NEK3: variants seen among roughly 807,000 people sequenced by gnomAD.
The protein encoded by NEK3 is serine/threonine-protein kinase Nek3.
A neutral mutation model predicts 66.0 loss-of-function variants in NEK3; 54 were observed. That is an observed-to-expected ratio of 0.82 (90% CI 0.66 to 1.03). The LOEUF (loss-of-function observed/expected upper bound fraction) is 1.03. NEK3 is among the 50% of genes least tolerant of loss of function. The pLI, the probability that NEK3 is intolerant of heterozygous loss-of-function variation, is 0.00. For synonymous variants in NEK3, 200 were observed against 206.2 expected (o/e 0.97, Z 0.26); for missense variants, 593 against 603.0 (o/e 0.98, Z 0.17).
chr13:52,151,530 C>T, intron 5 of NEK3, 138 bp from the exon 6 acceptor site: 1 of 705,160 alleles, frequency 1.4e-6, no homozygotes, highest in East Asian at 2.7e-5. Context: ...GAACACAAAA[C>T]ACCAAGATCC....
At chr13:52,133,647 C>CACACACA (rs755551629) in intron 15 of NEK3, 42 bp downstream of exon 15, 90 of 1,070,876 alleles carry the variant, frequency 8.4e-5, no homozygotes, top group African/African-American at 2.8e-4. Flanking sequence ...ACACACACAC[C>CACACACA]CCCAACCCCA....
Position 52,148,509 on chromosome 13 carries a change from C to T in NEK3, c.549-40G>A, listed in dbSNP as rs182220828. ...AAGCAATGTAATCACAAGCAGGTTACGTATTTTCTAGTACAAAAAATAATT... is the reference window on the plus strand; with the variant it reads ...AAGCAATGTAATCACAAGCAGGTTATGTATTTTCTAGTACAAAAAATAATT... On this transcript the variant is annotated intron_variant, in intron 7 of 15. Transcript: ENST00000610828. The T allele has an allele frequency of 4.9e-4, 775 of 1,567,088 alleles. 6 individuals are homozygous for T. In the South Asian group the frequency reaches 6.6e-3, roughly 13 times the overall value.
chr13:52,136,530 C>A (rs1420590874), intron 12 of NEK3, among the ~76,000 whole-genome samples: 1 of 151,560 alleles, frequency 6.6e-6, no homozygotes, highest in Non-Finnish European at 1.5e-5. Flanking sequence ...AGAATGAAGC[C>A]CTGGGAGGAC....
intron 11 of NEK3, 40 bp downstream of exon 11, chr13:52,140,980 A>T (rs756240990): frequency 3.5e-5 from 53 of 1,521,170 alleles, no homozygotes; most frequent in Admixed American, 2.4e-4. Context: ...ACGCCCGGCC[A>T]CCGCGCCCGG....
At chr13:52,144,962 T>C (rs1379935402) in intron 8 of NEK3, 71 bp from the exon 9 acceptor site, 4 of 996,452 alleles carry the variant, frequency 4.0e-6, no homozygotes, top group Non-Finnish European at 6.1e-6. Flanking sequence ...ACCAGTTATG[T>C]AAATTATTCT....
At position 52,154,180 on chromosome 13, in the gene NEK3, A is replaced by G; in HGVS notation, c.118-7T>C. 1 of 1,543,688 alleles carries G rather than the reference A, an allele frequency of 6.5e-7. No homozygotes were observed. Among genetic ancestry groups the G allele is most frequent in the Non-Finnish European group, 8.9e-7 (1 of 1,129,054 alleles). ...TCTGTGTATTAGAGAAAGACTAGAA[A>G]AACATTTTAAATAAGCATAAACTTA... is the stretch of plus-strand genomic sequence containing the variant. On this transcript the variant is annotated splice_polypyrimidine_tract_variant and splice_region_variant and intron_variant, in intron 2 of 15. Coordinates refer to ENST00000610828, the MANE Select transcript of NEK3 (RefSeq NM_002498.3).
chr13:52,151,168 T>C lies in NEK3; in HGVS notation c.526A>G (p.Asn176Asp). 6.2e-7 allele frequency: 1 copy of C among 1,609,374 alleles called. No homozygotes were observed. Among genetic ancestry groups the C allele is most frequent in the Non-Finnish European group, 8.5e-7 (1 of 1,177,994 alleles). ...PYYVPPEIWENLPYNNKSDIW... is the reference protein window; with the variant it reads ...PYYVPPEIWEDLPYNNKSDIW... Reference sequence around the variant, plus strand: ...CACCTTTTATTGTTATAAGGCAGGTTTTCCCAAATTTCTGGAGGCACATAA... The same window carrying C: ...CACCTTTTATTGTTATAAGGCAGGTCTTCCCAAATTTCTGGAGGCACATAA... The change falls in exon 7 of 16, where the codon AAC becomes GAC. Residue 176 changes from asparagine (N) to aspartate (D), a missense_variant. Physicochemically the swap from Asn to Asp is conservative, Grantham distance 23 (BLOSUM62 1). Coordinates refer to ENST00000610828, the MANE Select transcript of NEK3 (RefSeq NM_002498.3).
intron 8 of NEK3, chr13:52,148,160 AAAAG>A (rs1306090586): frequency 2.9e-6 from 1 of 350,626 alleles, no homozygotes; most frequent in African/African-American, 2.1e-5. Context: ...AAGAATAGCA[AAAAG>A]AAAGAAAAGA....
chr13:52,134,834 G>C (rs992655691), intron 14 of NEK3, among the ~76,000 whole-genome samples: 1 of 152,138 alleles, frequency 6.6e-6, no homozygotes, highest in African/African-American at 2.4e-5. Context: ...CTGAATGCAT[G>C]TATCACAGGG....
At chr13:52,152,217 T>C (rs545927024) in intron 5 of NEK3, among the ~76,000 whole-genome samples, 1 of 152,358 alleles carries the variant, frequency 6.6e-6, no homozygotes, top group African/African-American at 2.4e-5. Flanking sequence ...TGATCTGTTG[T>C]ACAACATGGT....
At chr13:52,158,651 C>T (rs1376716048) in intron 1 of NEK3, among the ~76,000 whole-genome samples, 1 of 152,186 alleles carries the variant, frequency 6.6e-6, no homozygotes, top group East Asian at 1.9e-4. Flanking sequence ...ATGATCATTA[C>T]AAGACCTGAA....
chr13:52,133,316 C>T (rs758316999), intron 15 of NEK3, 90 bp from the exon 16 acceptor site: 6 of 1,065,644 alleles, frequency 5.6e-6, no homozygotes, highest in Non-Finnish European at 8.3e-6. Context: ...CATAACAATA[C>T]TTAAGCTTTT....
intron 11 of NEK3, among the ~76,000 whole-genome samples, chr13:52,140,816 C>T (rs150951929): frequency 6.6e-6 from 1 of 151,590 alleles, no homozygotes; most frequent in African/African-American, 2.4e-5. Flanking sequence ...ATTTCATAAA[C>T]GTATTTTTTT....
intron 10 of NEK3, among the ~76,000 whole-genome samples, chr13:52,142,892 T>A (rs1395069468): frequency 6.6e-6 from 1 of 152,126 alleles, no homozygotes; most frequent in Non-Finnish European, 1.5e-5. Context: ...TTTGAAAAAA[T>A]TCAGAGATGA....
chr13:52,133,918 C>G, intron 14 of NEK3, 103 bp from the exon 15 acceptor site: 3 of 1,168,134 alleles, frequency 2.6e-6, no homozygotes, highest in Non-Finnish European at 3.6e-6. Flanking sequence ...GAGGACAATG[C>G]CATGTCCCAT....
chr13:52,140,366 T>C (rs1594023146), intron 11 of NEK3, among the ~76,000 whole-genome samples: 1 of 152,026 alleles, frequency 6.6e-6, no homozygotes, highest in East Asian at 1.9e-4. Context: ...CCCAGCACTT[T>C]GGGAGGCTGA....
At chr13:52,145,409 T>C (rs886462468) in intron 8 of NEK3, among the ~76,000 whole-genome samples, 19 of 152,266 alleles carry the variant, frequency 1.2e-4, no homozygotes, top group African/African-American at 2.6e-4. Flanking sequence ...GCTCAAGCGA[T>C]CCTCCCACCT....
At position 52,147,084 on chromosome 13, in the gene NEK3, T is replaced by C. The variant is rs544351638; in HGVS notation, c.603+1331A>G. On this transcript the variant is annotated intron_variant, in intron 8 of 15. Coordinates refer to ENST00000610828, the MANE Select transcript of NEK3 (RefSeq NM_002498.3). ...TTTTTTGTTCATATTTTTAAAAATATCTTGAAAAAACACATTATAGGGCAA... is the reference window on the plus strand; with the variant it reads ...TTTTTTGTTCATATTTTTAAAAATACCTTGAAAAAACACATTATAGGGCAA... 6.1e-4 allele frequency among the ~76,000 whole-genome samples: 93 copies of C among 152,284 alleles called. 1 individual carries two copies. Among genetic ancestry groups the C allele is most frequent in the Non-Finnish European group, 1.1e-3 (78 of 68,016 alleles).
chr13:52,141,447 A>G (rs1026790184), intron 10 of NEK3, among the ~76,000 whole-genome samples: 2 of 152,210 alleles, frequency 1.3e-5, no homozygotes, highest in African/African-American at 2.4e-5. Context: ...AGCTGGTGGA[A>G]TAAGTATCCC....
Sources: gnomAD v4.1 joint callset for allele counts (sites outside exome capture counted in the v4.1 genomes callset) on GRCh38, gnomAD v4.1.1 for gene constraint, MANE v1.5 for transcripts, NCBI Gene and HGNC (gene_info 2026-07-23, HGNC 2026-07-21) for gene names.